The following C2CD5 variants were observed in gnomAD, a reference collection of about 807,000 sequenced individuals.
C2CD5 encodes C2 calcium dependent domain containing 5.
Under a neutral mutation model 130.3 loss-of-function variants are expected in C2CD5, and 109 were observed. That is an observed-to-expected ratio of 0.84 (90% CI 0.72 to 0.98). C2CD5 has a LOEUF of 0.98. Ranked by LOEUF, C2CD5 falls within the 50% of genes least tolerant of loss-of-function variation. The pLI is 0.00. For synonymous variants in C2CD5, 454 were observed against 429.2 expected (o/e 1.06, Z -0.71); for missense variants, 996 against 1,261.8 (o/e 0.79, Z 3.19).
At chr12:22,508,494 G>C (rs887375517) in intron 9 of C2CD5, among the ~76,000 whole-genome samples, 6 of 152,240 alleles carry the variant, frequency 3.9e-5, no homozygotes, top group African/African-American at 1.4e-4. Flanking sequence ...GTACAAACTA[G>C]AGGATTACCT....
At chr12:22,527,330 A>ATTTTT (rs752914937) in intron 4 of C2CD5, among the ~76,000 whole-genome samples, 27 of 138,146 alleles carry the variant, frequency 2.0e-4, no homozygotes, top group African/African-American at 7.6e-4. Context: ...ATATATATAT[A>ATTTTT]TTTTTTTTTT....
intron 10 of C2CD5, among the ~76,000 whole-genome samples, chr12:22,498,149 A>G (rs1357950816): frequency 1.3e-5 from 2 of 152,130 alleles, no homozygotes; most frequent in South Asian, 2.1e-4. Flanking sequence ...AGGGAAAATG[A>G]TAATTGCTGA....
At chr12:22,484,560 C>T in intron 13 of C2CD5, 137 bp downstream of exon 13, 2 of 427,764 alleles carry the variant, frequency 4.7e-6, no homozygotes. Flanking sequence ...CAATAAAATA[C>T]AAAGTTCCAG....
At chr12:22,539,997 A>G (rs1012479875) in intron 2 of C2CD5, among the ~76,000 whole-genome samples, 1 of 151,836 alleles carries the variant, frequency 6.6e-6, no homozygotes. Flanking sequence ...CGTCTCAAAA[A>G]AAAAAAAAAA....
chr12:22,542,811 A>G (rs979799540), intron 2 of C2CD5, among the ~76,000 whole-genome samples: 1 of 152,218 alleles, frequency 6.6e-6, no homozygotes, highest in African/African-American at 2.4e-5. Flanking sequence ...ATGGGACAAT[A>G]ACAATACTCC....
intron 3 of C2CD5, among the ~76,000 whole-genome samples, chr12:22,531,060 T>C (rs1294215549): frequency 6.6e-6 from 1 of 152,162 alleles, no homozygotes; most frequent in Non-Finnish European, 1.5e-5. Context: ...ATAAACTATA[T>C]AAACATCCCA....
chr12:22,472,208 A>G (rs1943149729), intron 18 of C2CD5, 78 bp downstream of exon 18: 1 of 986,912 alleles, frequency 1.0e-6, no homozygotes, highest in East Asian at 2.6e-5. Flanking sequence ...AGGTAAAAAA[A>G]AAAAGACAAA....
intron 2 of C2CD5, among the ~76,000 whole-genome samples, chr12:22,536,266 A>C (rs1373951355): frequency 6.6e-6 from 1 of 152,214 alleles, no homozygotes. Flanking sequence ...GGTTGGTTAA[A>C]GGAGAGGCTG....
At chr12:22,471,835 G>A (rs933544696) in intron 19 of C2CD5, 132 bp downstream of exon 19, 17 of 604,926 alleles carry the variant, frequency 2.8e-5, no homozygotes, top group Non-Finnish European at 5.0e-5. Flanking sequence ...CCCGCTGATA[G>A]AGGTAAGGTA....
intron 26 of C2CD5, among the ~76,000 whole-genome samples, chr12:22,452,856 C>T (rs935852018): frequency 3.3e-5 from 5 of 152,158 alleles, no homozygotes; most frequent in Admixed American, 1.3e-4. Flanking sequence ...CGCTTGAGCT[C>T]AGGAGTTCAA....
intron 3 of C2CD5, among the ~76,000 whole-genome samples, chr12:22,528,600 T>C (rs1020585186): frequency 6.6e-6 from 1 of 152,188 alleles, no homozygotes; most frequent in East Asian, 1.9e-4. Flanking sequence ...GAACATATTA[T>C]AGACACTATT....
chr12:22,536,823 G>A (rs1951860500), intron 2 of C2CD5, among the ~76,000 whole-genome samples: 1 of 151,994 alleles, frequency 6.6e-6, no homozygotes, highest in East Asian at 1.9e-4. Flanking sequence ...TTTTAATGGG[G>A]AGCATTCAAG....
rs149651065 is a variant in C2CD5, at chr12:22,510,997, C to T, written c.1038+2297G>A. 3.6e-3 allele frequency among the ~76,000 whole-genome samples: 555 copies of T among 152,116 alleles called. 3 individuals carry two copies. The highest frequency in any genetic ancestry group is 0.013 in the African/African-American group (525 of 41,506). ...ATTAATTAAATATCTATTTACTTTA[C>T]ATCAAAAAATTCATAGGTGGAACTT... is the stretch of plus-strand genomic sequence containing the variant. On this transcript the variant is annotated intron_variant, in intron 9 of 26. Transcript: ENST00000446597.
chr12:22,482,500 T>G, intron 14 of C2CD5, 57 bp downstream of exon 14: 5 of 1,401,186 alleles, frequency 3.6e-6, no homozygotes, highest in Non-Finnish European at 5.0e-6. Flanking sequence ...TCACATAACA[T>G]AGAATCTACT....
chr12:22,483,449 T>A (rs192308576), intron 13 of C2CD5, among the ~76,000 whole-genome samples: 3 of 152,012 alleles, frequency 2.0e-5, no homozygotes, highest in Admixed American at 2.0e-4. Context: ...ACAGTAGCAA[T>A]GAAAGCCAGA....
chr12:22,457,416 TAC>T (rs1940127769), intron 24 of C2CD5, among the ~76,000 whole-genome samples: 1 of 152,140 alleles, frequency 6.6e-6, no homozygotes, highest in Admixed American at 6.6e-5. Flanking sequence ...GCAGTATAGC[TAC>T]ACACACAATG....
Position 22,493,214 on chromosome 12 carries a change from A to G in C2CD5, c.1262+9T>C. 6.9e-7 allele frequency: 1 copy of G among 1,441,844 alleles called. No individual in the cohort carries two copies. The highest frequency in any genetic ancestry group is 1.2e-5 in the South Asian group (1 of 81,006). 89.3% of individuals were successfully genotyped at this position (1,441,844 alleles called of 1,614,324 possible). A position where few individuals can be genotyped will look rare whatever the true frequency, so the allele number is the denominator to read the frequency against. On this transcript the variant is annotated intron_variant, in intron 11 of 26. Transcript: ENST00000446597. ...GTGTCTGGAAAATCAAGTTGTTATT[A>G]TCATTTACCAGATGCTAGTTGATTC...
rs1245016203 is a variant in C2CD5, at chr12:22,474,858, G to A, written c.1936C>T (p.Pro646Ser). ...ISEEIIGSPI[P>S]EPRQRSRLLR... is the part of the protein sequence containing the mutation. ...AGTCTTGAGCGTTGCCTAGGTTCTG[G>A]GATGGGTGATCCTATAATCTCTTCA... is the stretch of plus-strand genomic sequence containing the variant. The change falls in exon 16 of 27, where the codon CCA becomes TCA. Residue 646 changes from proline to serine, a missense_variant. This residue lies in a region of C2CD5 where 590 missense variants were observed against 631.4 expected (regional missense o/e 0.93). Transcript: ENST00000446597. The A allele has an allele frequency of 6.2e-7, 1 of 1,603,706 alleles. No individual in the cohort carries two copies. The highest frequency in any genetic ancestry group is 8.5e-7 in the Non-Finnish European group (1 of 1,173,018).
chr12:22,460,796 C>G (rs1940981701), intron 22 of C2CD5: 1 of 152,204 alleles, frequency 6.6e-6, no homozygotes, highest in South Asian at 2.1e-4. Context: ...CCAGGCTGGT[C>G]TTGAACTCCT....
Sources: allele counts gnomAD v4.1 joint callset (sites outside exome capture counted in the v4.1 genomes callset), GRCh38; gene constraint gnomAD v4.1.1; regional missense constraint gnomAD v4.1.1; transcripts MANE v1.5; gene names NCBI Gene and HGNC (gene_info 2026-07-23, HGNC 2026-07-21).